The following FAAH2 variants were observed in gnomAD, a reference collection of about 807,000 sequenced individuals.
The protein encoded by FAAH2 is fatty acid amide hydrolase 2.
In FAAH2, 60 loss-of-function variants were observed where a neutral mutation model predicts 36.9. That is an observed-to-expected ratio of 1.63 (90% CI 1.32 to 2.02). FAAH2 has a LOEUF of 2.02. Ranked by LOEUF, FAAH2 falls within the 30% of genes most tolerant of loss-of-function variation. The pLI is 0.00. For missense variants in FAAH2, 689 were observed against 397.5 expected (o/e 1.73, Z -6.23); for synonymous variants, 214 against 143.8 (o/e 1.49, Z -3.49).
the FAAH2 span, among the ~76,000 whole-genome samples, chrX:57,185,716 A>AC: frequency 1.9e-5 from 2 of 103,172 alleles, no homozygotes; most frequent in African/African-American, 7.2e-5. Flanking sequence ...CTTTCCCCCC[A>AC]CCCCCCAACA....
At chrX:57,355,217 G>A (rs1204828380) in intron 5 of FAAH2, among the ~76,000 whole-genome samples, 1 of 110,826 alleles carries the variant, frequency 9.0e-6, no homozygotes, top group Non-Finnish European at 1.9e-5. Context: ...GGTTAAACAT[G>A]TGCCAAAATT....
chrX:57,161,601 T>C, the FAAH2 span, among the ~76,000 whole-genome samples: 1 of 111,926 alleles, frequency 8.9e-6, no homozygotes, highest in Non-Finnish European at 1.9e-5. Context: ...ATTGATCCCT[T>C]TACCGTTATG....
At chrX:57,452,599 G>C (rs1229917191) in intron 10 of FAAH2, among the ~76,000 whole-genome samples, 1 of 112,170 alleles carries the variant, frequency 8.9e-6, no homozygotes, top group African/African-American at 3.2e-5. Context: ...GCATTGACTA[G>C]GACATTGCAT....
chrX:57,233,445 A>T, the FAAH2 span, among the ~76,000 whole-genome samples: 1 of 111,603 alleles, frequency 9.0e-6, no homozygotes, highest in African/African-American at 3.3e-5. Flanking sequence ...ATTTTTTAAC[A>T]GGGTGACAAA....
At chrX:57,261,552 CAAAAAAA>C in the FAAH2 span, among the ~76,000 whole-genome samples, 15 of 23,392 alleles carry the variant, frequency 6.4e-4, no homozygotes, top group South Asian at 3.6e-3. Flanking sequence ...GACTCTGTCT[CAAAAAAA>C]AAAAAAAAAA....
At chrX:57,425,169 CT>C (rs1414691470) in intron 7 of FAAH2, among the ~76,000 whole-genome samples, 1 of 111,139 alleles carries the variant, frequency 9.0e-6, no homozygotes, top group African/African-American at 3.3e-5. Context: ...TTAATCCACT[CT>C]GACAAAAAAA....
chrX:57,441,452 C>G (rs1236456180), intron 8 of FAAH2, among the ~76,000 whole-genome samples: 1 of 111,005 alleles, frequency 9.0e-6, no homozygotes, highest in South Asian at 3.8e-4. Context: ...GTGCTATACC[C>G]TTTATCATTT....
chrX:57,260,035 T>C, the FAAH2 span, among the ~76,000 whole-genome samples: 1 of 111,856 alleles, frequency 8.9e-6, no homozygotes, highest in African/African-American at 3.2e-5. Flanking sequence ...AACACATGAA[T>C]AATATAAATA....
At chrX:57,261,552 C>CAAAAAAAAAAAAA in the FAAH2 span, among the ~76,000 whole-genome samples, 10 of 23,368 alleles carry the variant, frequency 4.3e-4, no homozygotes, top group African/African-American at 5.7e-4. Flanking sequence ...GACTCTGTCT[C>CAAAAAAAAAAAAA]AAAAAAAAAA....
chrX:57,151,513 A>T, the FAAH2 span, among the ~76,000 whole-genome samples: 3 of 110,515 alleles, frequency 2.7e-5, no homozygotes, highest in African/African-American at 9.9e-5. Flanking sequence ...CATTCATTTC[A>T]TCTTCCATCG....
chrX:57,310,576 G>T lies in FAAH2; in HGVS notation c.276-17G>T. The T allele has an allele frequency of 2.5e-6, 3 of 1,190,626 alleles. No individual in the cohort carries two copies. The highest frequency in any genetic ancestry group is 3.4e-6 in the Non-Finnish European group (3 of 887,388). ...GACTTGTTTAGTTAAAGTTTGCATTGTTTTATTTCTTCTTAGGTTTGAGGA... is the reference window on the plus strand; with the variant it reads ...GACTTGTTTAGTTAAAGTTTGCATTTTTTTATTTCTTCTTAGGTTTGAGGA... On this transcript the variant is annotated splice_polypyrimidine_tract_variant and intron_variant, in intron 2 of 10. Coordinates refer to ENST00000374900, the MANE Select transcript of FAAH2 (RefSeq NM_174912.4).
intron 7 of FAAH2, among the ~76,000 whole-genome samples, chrX:57,422,330 G>T (rs148544750): frequency 0.02 from 2,214 of 111,824 alleles, 23 homozygotes; most frequent in Non-Finnish European, 0.034. Context: ...TGATGGAACT[G>T]GTCTTTGCAA....
the FAAH2 span, among the ~76,000 whole-genome samples, chrX:57,190,598 C>T: frequency 9.0e-6 from 1 of 110,732 alleles, no homozygotes; most frequent in Non-Finnish European, 1.9e-5. Context: ...AGCATAGTAT[C>T]TGGGCTGGAT....
intron 10 of FAAH2, among the ~76,000 whole-genome samples, chrX:57,474,333 A>G (rs1202673570): frequency 9.0e-6 from 1 of 110,582 alleles, no homozygotes; most frequent in Non-Finnish European, 1.9e-5. Flanking sequence ...TTTATTAGGT[A>G]TTTGTCCAAA....
At chrX:57,236,815 C>T in the FAAH2 span, among the ~76,000 whole-genome samples, 1 of 111,301 alleles carries the variant, frequency 9.0e-6, no homozygotes, top group African/African-American at 3.3e-5. Context: ...TGCCTCTTTG[C>T]TCTGTTCATT....
In FAAH2 at chrX:57,394,362, G is replaced by A. The variant is rs1036100540; in HGVS notation, c.996+13333G>A. ...TTCCCAACAGGCTGGTGCTTCAGGC[G>A]TTCTAGTGCTGACAGCAGAACTTTG... On this transcript the variant is annotated intron_variant, in intron 7 of 10. Coordinates refer to ENST00000374900, the MANE Select transcript of FAAH2 (RefSeq NM_174912.4). 80 of 1,182,630 alleles carry A rather than the reference G, an allele frequency of 6.8e-5. No homozygotes were observed. The East Asian group carries it at 1.3e-3, about 20-fold the overall frequency.
the FAAH2 span, among the ~76,000 whole-genome samples, chrX:57,190,381 C>T: frequency 9.3e-6 from 1 of 107,006 alleles, no homozygotes; most frequent in Non-Finnish European, 1.9e-5. Flanking sequence ...TCCCTGGCTT[C>T]AGCCCCCTTT....
the FAAH2 span, among the ~76,000 whole-genome samples, chrX:57,200,088 A>G: frequency 1.5e-4 from 17 of 110,735 alleles, no homozygotes; most frequent in Admixed American, 1.6e-3. Flanking sequence ...TTTACATTCA[A>G]TGTTATTATC....
At chrX:57,264,733 A>C in the FAAH2 span, among the ~76,000 whole-genome samples, 2 of 112,352 alleles carry the variant, frequency 1.8e-5, no homozygotes, top group Admixed American at 1.9e-4. Flanking sequence ...GCATGCACAC[A>C]TGTGTTCATT....
Sources: gnomAD v4.1 joint callset for allele counts (sites outside exome capture counted in the v4.1 genomes callset) on GRCh38, gnomAD v4.1.1 for gene constraint, MANE v1.5 for transcripts, NCBI Gene and HGNC (gene_info 2026-07-23, HGNC 2026-07-21) for gene names.